The following SAMD4A variants were observed in gnomAD, a reference collection of about 807,000 sequenced individuals.
The protein encoded by SAMD4A is protein Smaug homolog 1.
Under a neutral mutation model 81.3 loss-of-function variants are expected in SAMD4A, and 33 were observed. That is an observed-to-expected ratio of 0.41 (90% confidence interval 0.31 to 0.54). The LOEUF is 0.54. Ranked by LOEUF, SAMD4A falls within the 20% of genes least tolerant of loss-of-function variation. The pLI, the probability that SAMD4A is intolerant of heterozygous loss-of-function variation, is 0.37. For missense variants in SAMD4A, 854 were observed against 951.1 expected, an observed-to-expected ratio of 0.90 and a Z score of 1.34; for synonymous variants, 389 against 382.1, an observed-to-expected ratio of 1.02 and a Z score of -0.21.
chr14:54,737,547 T>TG (rs2037729953), intron 4 of SAMD4A, among the ~76,000 whole-genome samples: 1 of 140,086 alleles, frequency 7.1e-6, no homozygotes, highest in Non-Finnish European at 1.5e-5. Context: ...TCTCTCTTTT[T>TG]TTTTTTTTTT....
intron 9 of SAMD4A, among the ~76,000 whole-genome samples, chr14:54,773,596 C>CT (rs1337037668): frequency 6.6e-6 from 1 of 152,240 alleles, no homozygotes; most frequent in Non-Finnish European, 1.5e-5. Context: ...GCGCCGGCAT[C>CT]TGCACGTGAT....
chr14:54,650,476 T>C (rs1213478771), intron 2 of SAMD4A, among the ~76,000 whole-genome samples: 1 of 152,224 alleles, frequency 6.6e-6, no homozygotes, highest in Non-Finnish European at 1.5e-5. Context: ...GTCATCTTGT[T>C]ATAGCAGCTC....
intron 9 of SAMD4A, among the ~76,000 whole-genome samples, chr14:54,770,519 G>A (rs1185771696): frequency 6.6e-6 from 1 of 152,228 alleles, no homozygotes; most frequent in South Asian, 2.1e-4. Flanking sequence ...AACAAATGCA[G>A]GCAAAACACA....
chr14:54,606,466 C>A (rs564678076), intron 2 of SAMD4A, among the ~76,000 whole-genome samples: 2 of 152,016 alleles, frequency 1.3e-5, no homozygotes, highest in Admixed American at 1.3e-4. Context: ...GATTGGGTGG[C>A]GGGGGGAGGA....
At chr14:54,761,176 A>G (rs923076408) in intron 7 of SAMD4A, among the ~76,000 whole-genome samples, 4 of 152,200 alleles carry the variant, frequency 2.6e-5, no homozygotes, top group Admixed American at 2.6e-4. Context: ...TCCGTGCTTT[A>G]CCTATAGAGC....
In SAMD4A at chr14:54,567,510, C is replaced by G. The variant is rs2032975567; in HGVS notation, c.-407C>G. On this transcript the variant is annotated 5_prime_UTR_variant, in exon 2 of 13. Transcript: ENST00000554335. ...TCTCCTTCCAGTGGTGATCGCCGCTCGGGAATGCGGGCGTGAAGGGTCCGA... is the reference window on the plus strand; with the variant it reads ...TCTCCTTCCAGTGGTGATCGCCGCTGGGGAATGCGGGCGTGAAGGGTCCGA... The G allele has an allele frequency of 4.8e-6, 1 of 208,730 alleles. No homozygotes were observed. The highest frequency in any genetic ancestry group is 6.6e-5 in the South Asian group (1 of 15,196). 12.9% of individuals were successfully genotyped at this position (208,730 alleles called of 1,614,324 possible). A position where few individuals can be genotyped will look rare whatever the true frequency, so the allele number is the denominator to read the frequency against.
intron 2 of SAMD4A, chr14:54,688,054 C>G: frequency 2.0e-6 from 2 of 985,714 alleles, no homozygotes; most frequent in Non-Finnish European, 2.4e-6. Flanking sequence ...GGAGATGGAG[C>G]AATCTCTTAT....
chr14:54,760,262 G>T lies in SAMD4A; in HGVS notation c.1278G>T (p.Glu426Asp), dbSNP rs1211035369. The change falls in exon 7 of 13, where the codon GAG (glutamate) becomes GAT (aspartate). Residue 426 changes from glutamate to aspartate, a missense_variant. Physicochemically the swap from Glu to Asp is conservative, Grantham distance 45. Transcript: ENST00000554335. ...ACAGCTCCCCGAGCACCACCCCCGA[G>T]GCTCGCCGCCGGGAGCCCCAGGCCC... ...KAYSSPSTTPEARRREPQAPR... is the reference protein window; with the variant it reads ...KAYSSPSTTPDARRREPQAPR... 2 of 1,612,876 alleles carry T rather than the reference G, an allele frequency of 1.2e-6. No individual in the cohort carries two copies. Among genetic ancestry groups the T allele is most frequent in the South Asian group, 2.2e-5 (2 of 90,984 alleles).
At chr14:54,718,051 C>T (rs2037166002) in intron 3 of SAMD4A, among the ~76,000 whole-genome samples, 1 of 152,062 alleles carries the variant, frequency 6.6e-6, no homozygotes, top group African/African-American at 2.4e-5. Context: ...TGCTCCTCTT[C>T]CCCCAGCCAC....
At chr14:54,682,720 T>A (rs141736855) in intron 2 of SAMD4A, among the ~76,000 whole-genome samples, 1 of 152,120 alleles carries the variant, frequency 6.6e-6, no homozygotes, top group Non-Finnish European at 1.5e-5. Context: ...AAAAAGATAA[T>A]GCAGTGGAAG....
intron 2 of SAMD4A, among the ~76,000 whole-genome samples, chr14:54,690,331 C>T (rs1187719205): frequency 2.0e-5 from 3 of 152,106 alleles, no homozygotes; most frequent in Admixed American, 6.5e-5. Context: ...GACATATCTA[C>T]AGCAGAGAGT....
At position 54,725,253 on chromosome 14, in the gene SAMD4A, C is replaced by A. The variant is rs549820266; in HGVS notation, c.716-11771C>A. Among the ~76,000 whole-genome samples the A allele has an allele frequency of 2.6e-5, 4 of 152,326 alleles. No homozygotes were observed. The East Asian group carries it at 7.7e-4, about 29-fold the overall frequency. On this transcript the variant is annotated intron_variant, in intron 3 of 12. Transcript: ENST00000554335. Reference sequence around the variant, plus strand: ...TTACAAATGTCAGGACAAAGACAAGCTCTCATGAAGAGTTCTGGGCACTGA... The same window carrying A: ...TTACAAATGTCAGGACAAAGACAAGATCTCATGAAGAGTTCTGGGCACTGA...
intron 2 of SAMD4A, among the ~76,000 whole-genome samples, chr14:54,651,347 C>T (rs1352960154): frequency 6.6e-6 from 1 of 152,172 alleles, no homozygotes; most frequent in Non-Finnish European, 1.5e-5. Context: ...GATGTGGGCA[C>T]TAACTTAATG....
At chr14:54,572,184 A>C (rs1459905852) in intron 2 of SAMD4A, among the ~76,000 whole-genome samples, 4 of 152,184 alleles carry the variant, frequency 2.6e-5, no homozygotes, top group Non-Finnish European at 5.9e-5. Flanking sequence ...GTAAATGACT[A>C]ATATAATATC....
intron 4 of SAMD4A, among the ~76,000 whole-genome samples, chr14:54,740,218 C>A (rs1484906070): frequency 6.6e-6 from 1 of 152,102 alleles, no homozygotes; most frequent in Admixed American, 6.6e-5. Flanking sequence ...AGATATAAAA[C>A]CAAGTGAGGT....
intron 11 of SAMD4A, among the ~76,000 whole-genome samples, chr14:54,780,685 A>G (rs114408878): frequency 1.3e-3 from 203 of 152,324 alleles, no homozygotes; most frequent in African/African-American, 4.7e-3. Flanking sequence ...CTGAGCATCA[A>G]CTTGGGGCAA....
intron 3 of SAMD4A, among the ~76,000 whole-genome samples, chr14:54,727,031 T>C (rs1400138822): frequency 1.3e-5 from 2 of 152,118 alleles, no homozygotes; most frequent in Non-Finnish European, 2.9e-5. Context: ...CAATACATAA[T>C]GTTGTTTTAT....
At chr14:54,566,022 C>T (rs1354645467), upstream of SAMD4A, among the ~76,000 whole-genome samples, 1 of 152,118 alleles carries the variant, frequency 6.6e-6, no homozygotes, top group Non-Finnish European at 1.5e-5. Context: ...GGTTCCTCTC[C>T]CCCCGCTCGG....
intron 2 of SAMD4A, among the ~76,000 whole-genome samples, chr14:54,591,929 C>T (rs1332217385): frequency 6.6e-6 from 1 of 152,106 alleles, no homozygotes; most frequent in Non-Finnish European, 1.5e-5. Context: ...CCATATGTCT[C>T]ACCACTCTTC....
Sources: gnomAD v4.1 joint callset for allele counts (sites outside exome capture counted in the v4.1 genomes callset) on GRCh38, gnomAD v4.1.1 for gene constraint, MANE v1.5 for transcripts, NCBI Gene and HGNC (gene_info 2026-07-23, HGNC 2026-07-21) for gene names.